Variants in MAGI2 observed in about 807,000 individuals in gnomAD.
The protein encoded by MAGI2 is membrane associated guanylate kinase, WW and PDZ domain containing 2, also known as membrane-associated guanylate kinase, WW and PDZ domain-containing protein 2.
Under a neutral mutation model 133.3 loss-of-function variants are expected in MAGI2, and 35 were observed. The observed-to-expected ratio is 0.26, with a 90% confidence interval of 0.20 to 0.35. The LOEUF (loss-of-function observed/expected upper bound fraction) is 0.35, where lower values mean the gene tolerates loss of function less well. Among genes scored for constraint, MAGI2 ranks in the 10% least tolerant of loss-of-function variants. The pLI, the probability that MAGI2 is intolerant of heterozygous loss-of-function variation, is 1.00. For synonymous variants in MAGI2, 729 were observed against 710.6 expected (o/e 1.03, Z -0.41); for missense variants, 1,636 against 1,863.4 (o/e 0.88, Z 2.25).
At chr7:79,345,499 A>G (rs1841244589) in intron 1 of MAGI2, among the ~76,000 whole-genome samples, 1 of 152,078 alleles carries the variant, frequency 6.6e-6, no homozygotes, top group South Asian at 2.1e-4. Context: ...CGAGCATACT[A>G]ATGCATGTAT....
At chr7:79,388,800 A>T (rs1844387423) in intron 1 of MAGI2, among the ~76,000 whole-genome samples, 1 of 151,442 alleles carries the variant, frequency 6.6e-6, no homozygotes, top group South Asian at 2.1e-4. Context: ...ATGTCTTGAA[A>T]TCAAATCAGA....
chr7:78,915,656 T>C (rs1008984814), intron 2 of MAGI2, among the ~76,000 whole-genome samples: 5 of 152,012 alleles, frequency 3.3e-5, no homozygotes, highest in Non-Finnish European at 7.4e-5. Context: ...GTAATTTTTT[T>C]TTTGTTTTAT....
chr7:78,335,214 G>A (rs1297169541), intron 9 of MAGI2, among the ~76,000 whole-genome samples: 3 of 152,162 alleles, frequency 2.0e-5, no homozygotes, highest in African/African-American at 7.2e-5. Context: ...GCATGGATAG[G>A]AAGGACTCTC....
At chr7:78,800,692 T>C (rs1787988963) in intron 2 of MAGI2, among the ~76,000 whole-genome samples, 1 of 152,198 alleles carries the variant, frequency 6.6e-6, no homozygotes, top group African/African-American at 2.4e-5. Context: ...CACCACTCTG[T>C]GGCTAATACT....
chr7:78,853,207 A>G (rs73143032), intron 2 of MAGI2, among the ~76,000 whole-genome samples: 10,572 of 151,982 alleles, frequency 0.07, 481 homozygotes, highest in African/African-American at 0.13. Flanking sequence ...GAGGAACAAC[A>G]TAACTTTTCG....
At chr7:78,557,271 T>C (rs762780626) in intron 3 of MAGI2, among the ~76,000 whole-genome samples, 11 of 152,126 alleles carry the variant, frequency 7.2e-5, no homozygotes, top group Non-Finnish European at 1.5e-4. Context: ...CAATTAGTTA[T>C]ATTTCCATAT....
At chr7:78,534,506 G>A (rs1797722401) in intron 3 of MAGI2, among the ~76,000 whole-genome samples, 1 of 152,162 alleles carries the variant, frequency 6.6e-6, no homozygotes, top group South Asian at 2.1e-4. Flanking sequence ...AATAAATCAA[G>A]TTGCTTGCCA....
intron 2 of MAGI2, among the ~76,000 whole-genome samples, chr7:78,884,108 C>T (rs1325212043): frequency 2.0e-5 from 3 of 151,970 alleles, no homozygotes; most frequent in African/African-American, 7.3e-5. Flanking sequence ...ACTATGCATC[C>T]AACAAAGGTC....
chr7:79,261,820 G>A (rs1563057120), intron 1 of MAGI2, among the ~76,000 whole-genome samples: 1 of 152,082 alleles, frequency 6.6e-6, no homozygotes, highest in Non-Finnish European at 1.5e-5. Flanking sequence ...ATCAATACCT[G>A]CACCATTTAT....
intron 6 of MAGI2, among the ~76,000 whole-genome samples, chr7:78,435,313 C>A (rs916057938): frequency 7.9e-5 from 12 of 152,108 alleles, no homozygotes; most frequent in African/African-American, 2.9e-4. Context: ...CTCCCCCACA[C>A]CTTGAAATTA....
At chr7:78,341,819 T>C (rs1291842009) in intron 9 of MAGI2, among the ~76,000 whole-genome samples, 1 of 152,148 alleles carries the variant, frequency 6.6e-6, no homozygotes. Flanking sequence ...TCAAGATGGA[T>C]TAAAGACTTA....
intron 1 of MAGI2, among the ~76,000 whole-genome samples, chr7:79,020,254 A>G (rs1237251515): frequency 6.6e-6 from 1 of 152,222 alleles, no homozygotes; most frequent in African/African-American, 2.4e-5. Context: ...TATCTGGTGG[A>G]AGAAATTTCT....
intron 20 of MAGI2, among the ~76,000 whole-genome samples, chr7:78,102,719 A>G (rs1023208913): frequency 4.6e-5 from 7 of 152,256 alleles, no homozygotes; most frequent in African/African-American, 1.7e-4. Flanking sequence ...AGGCAAGGCT[A>G]AGCACACTAC....
chr7:78,945,356 T>C (rs1472270206), intron 2 of MAGI2, among the ~76,000 whole-genome samples: 1 of 152,176 alleles, frequency 6.6e-6, no homozygotes, highest in Non-Finnish European at 1.5e-5. Context: ...CTGCCACGCC[T>C]GGCCCTCTTT....
intron 2 of MAGI2, among the ~76,000 whole-genome samples, chr7:78,926,297 C>G (rs1289940673): frequency 6.6e-6 from 1 of 152,014 alleles, no homozygotes; most frequent in Non-Finnish European, 1.5e-5. Context: ...TTCCAGAACT[C>G]CATATAATGC....
chr7:78,504,648 C>T (rs1008882001), intron 4 of MAGI2, among the ~76,000 whole-genome samples: 1 of 152,080 alleles, frequency 6.6e-6, no homozygotes. Flanking sequence ...TACAAATACA[C>T]AGACTTTGAG....
At chr7:78,503,410 C>T (rs1794789851) in intron 4 of MAGI2, among the ~76,000 whole-genome samples, 1 of 151,922 alleles carries the variant, frequency 6.6e-6, no homozygotes, top group African/African-American at 2.4e-5. Context: ...AATTGTAATC[C>T]CCACATGTCA....
intron 6 of MAGI2, among the ~76,000 whole-genome samples, chr7:78,382,003 T>C (rs1390202896): frequency 6.6e-6 from 1 of 152,190 alleles, no homozygotes; most frequent in Non-Finnish European, 1.5e-5. Context: ...AGTTATTCAA[T>C]GCGTCATTAT....
chr7:78,510,258 G>A (rs1171697517), intron 4 of MAGI2, among the ~76,000 whole-genome samples: 1 of 152,146 alleles, frequency 6.6e-6, no homozygotes, highest in Admixed American at 6.5e-5. Context: ...GTCCTTTAAA[G>A]TGGGAGGTTG....
Sources: gnomAD v4.1 joint callset for allele counts (sites outside exome capture counted in the v4.1 genomes callset) on GRCh38, gnomAD v4.1.1 for gene constraint, MANE v1.5 for transcripts, NCBI Gene and HGNC (gene_info 2026-07-23, HGNC 2026-07-21) for gene names.